The following LRRC14 variants were observed in gnomAD, a reference collection of about 807,000 sequenced individuals.
LRRC14 encodes leucine-rich repeat-containing protein 14.
Under a neutral mutation model 25.3 loss-of-function variants are expected in LRRC14, and 16 were observed. That is an observed-to-expected ratio of 0.63 (90% confidence interval 0.43 to 0.96). The LOEUF is 0.96. Among genes scored for constraint, LRRC14 ranks in the 40% least tolerant of loss-of-function variants. The probability of loss-of-function intolerance (pLI) is 0.00; values close to 1 mark genes in which losing one functional copy is unlikely to be tolerated. For synonymous variants in LRRC14, 359 were observed against 295.1 expected (o/e 1.22, Z -2.22); for missense variants, 594 against 660.5 (o/e 0.90, Z 1.10).
Position 144,524,925 on chromosome 8 carries a change from G to GGCAGTAGTA in LRRC14, c.*3452_*3460dup. 6.6e-7 allele frequency: 1 copy of GGCAGTAGTA among 1,513,118 alleles called. No individual in the cohort carries two copies. Among genetic ancestry groups the GGCAGTAGTA allele is most frequent in the Non-Finnish European group, 8.8e-7 (1 of 1,132,044 alleles). The allele number at this position is 1,513,118 out of a possible 1,614,324, so 93.7% of individuals were successfully genotyped here. On this transcript the variant is annotated 3_prime_UTR_variant, in exon 4 of 4. Coordinates refer to ENST00000292524, the MANE Select transcript of LRRC14 (RefSeq NM_014665.4). ...TGCTGGGCAGCCGGCGGCGCGGAGC[G>GGCAGTAGTA]GCAGTAGTAGCAGCAGCAGCGGCAG... is the stretch of plus-strand genomic sequence containing the variant.
At position 144,523,079 on chromosome 8, in the gene LRRC14, C is replaced by G; in HGVS notation, c.*1601C>G. ...CGAGTGTCCGCCCAGGCCCAGCAAC[C>G]CGCCTTCTAGCTGGGCCTGGGCTCG... On this transcript the variant is annotated 3_prime_UTR_variant, in exon 4 of 4. Transcript: ENST00000292524. 1.9e-6 allele frequency: 3 copies of G among 1,608,046 alleles called. No homozygotes were observed. The highest frequency in any genetic ancestry group is 2.5e-6 in the Non-Finnish European group (3 of 1,179,018).
Position 144,522,236 on chromosome 8 carries a change from C to A in LRRC14, c.*758C>A, listed in dbSNP as rs1384565848. On this transcript the variant is annotated 3_prime_UTR_variant, in exon 4 of 4. Transcript: ENST00000292524. ...TGGCCGGCCAGGGCCAGCGAGGGAC[C>A]CCCCCCATGCAGAGCTGGAGGTTGG... 7.2e-5 allele frequency: 36 copies of A among 501,916 alleles called. 1 individual carries two copies. The South Asian group carries it at 8.7e-4, about 12-fold the overall frequency. 31.1% of individuals were successfully genotyped at this position (501,916 alleles called of 1,614,324 possible).
In LRRC14 at chr8:144,522,575, G is replaced by A. The variant is rs758121489; in HGVS notation, c.*1097G>A. On this transcript the variant is annotated 3_prime_UTR_variant, in exon 4 of 4. Transcript: ENST00000292524. ...AGCGGGCGCCTCCGCCGGACCCTCG[G>A]CGAAGAGCGGCTTGGAGCGGTTGAT... The A allele has an allele frequency of 1.9e-5, 30 of 1,556,038 alleles. No homozygotes were observed. The Admixed American group carries it at 5.5e-4, about 28-fold the overall frequency.
rs760869872 is a variant in LRRC14 at position 144,521,421 on chromosome 8, T to A, written c.1425T>A (p.His475Gln). 9 of 1,610,230 alleles carry A rather than the reference T, an allele frequency of 5.6e-6. No homozygotes were observed. The highest frequency in any genetic ancestry group is 7.6e-6 in the Non-Finnish European group (9 of 1,179,990). ...HQLLLASGRA[H>Q]VLWTTDIYGR... ...TGCTTCTAGCCTCAGGCCGTGCCCATGTGCTCTGGACCACGGACATCTACG... is the reference window on the plus strand; with the variant it reads ...TGCTTCTAGCCTCAGGCCGTGCCCAAGTGCTCTGGACCACGGACATCTACG... The change falls in exon 4 of 4, where the codon CAT (histidine) becomes CAA (glutamine). Residue 475 changes from histidine (H) to glutamine (Q), a missense_variant. Coordinates refer to ENST00000292524, the MANE Select transcript of LRRC14 (RefSeq NM_014665.4).
At chr8:144,519,435 G>A (rs958659108) in intron 1 of LRRC14, 180 bp from the exon 2 acceptor site, 2 of 521,274 alleles carry the variant, frequency 3.8e-6, no homozygotes, top group Non-Finnish European at 3.5e-6. Flanking sequence ...CCAAGCAAGC[G>A]AGTTGTTGAC....
At position 144,517,993 on chromosome 8, in the gene LRRC14, G is replaced by C. The variant is rs1815513371; in HGVS notation, c.-160G>C. ...GCGCCGCGGCGCCGGGCGGGGAGCG[G>C]CGGACGGTCTAGGCGGGGCTGGAGG... is the stretch of plus-strand genomic sequence containing the variant. On this transcript the variant is annotated 5_prime_UTR_variant, in exon 1 of 4. Coordinates refer to ENST00000292524, the MANE Select transcript of LRRC14 (RefSeq NM_014665.4). 1 of 305,740 alleles carries C rather than the reference G, an allele frequency of 3.3e-6. No homozygotes were observed. Among genetic ancestry groups the C allele is most frequent in the Admixed American group, 5.5e-5 (1 of 18,148 alleles). 18.9% of individuals were successfully genotyped at this position (305,740 alleles called of 1,614,324 possible).
rs770884720 is a variant in LRRC14 at position 144,522,582 on chromosome 8, G to C, written c.*1104G>C. On this transcript the variant is annotated 3_prime_UTR_variant, in exon 4 of 4. Transcript: ENST00000292524. ...GCCTCCGCCGGACCCTCGGCGAAGA[G>C]CGGCTTGGAGCGGTTGATGACGAAC... is the stretch of plus-strand genomic sequence containing the variant. 1.2e-5 allele frequency: 18 copies of C among 1,553,568 alleles called. No homozygotes were observed. The Admixed American group carries it at 3.4e-4, about 30-fold the overall frequency.
chr8:144,520,097 G>T, intron 2 of LRRC14, 43 bp downstream of exon 2: 1 of 1,582,696 alleles, frequency 6.3e-7, no homozygotes, highest in South Asian at 1.1e-5. Context: ...GGGTGTGTAA[G>T]TGGGTCCCCT....
In LRRC14 at chr8:144,523,032, T is replaced by A. The variant is rs1270615265; in HGVS notation, c.*1554T>A. 2.5e-6 allele frequency: 4 copies of A among 1,600,968 alleles called. No individual in the cohort carries two copies. The highest frequency in any genetic ancestry group is 3.4e-6 in the Non-Finnish European group (4 of 1,175,820). On this transcript the variant is annotated 3_prime_UTR_variant, in exon 4 of 4. Transcript: ENST00000292524. ...AGCGTGATGTTGCTGAGGAAGAGCATGCCGCTGCCCGTGTCGGATGCCGAG... is the reference window on the plus strand; with the variant it reads ...AGCGTGATGTTGCTGAGGAAGAGCAAGCCGCTGCCCGTGTCGGATGCCGAG...
rs1292091347 is a variant in LRRC14, at chr8:144,520,401, G to A, written c.493G>A (p.Val165Met). Residue 165 changes from valine (V) to methionine (M), a missense_variant, in exon 3 of 4, where the codon GTG becomes ATG. Val to Met is a conservative substitution (Grantham distance 21). Coordinates refer to ENST00000292524, the MANE Select transcript of LRRC14 (RefSeq NM_014665.4). ...AGAGCCTGGGCCAGCCCCCATCCCC[G>A]TGGAGGTGCGCGTGGACCTGCGGGT... ...AAEPGPAPIP[V>M]EVRVDLRVNR... The A allele has an allele frequency of 6.2e-7, 1 of 1,606,594 alleles. No individual in the cohort carries two copies. The highest frequency in any genetic ancestry group is 8.5e-7 in the Non-Finnish European group (1 of 1,177,622).
At chr8:144,518,373 T>C (rs974408776) in intron 1 of LRRC14, 1 of 152,198 alleles carries the variant, frequency 6.6e-6, no homozygotes, top group Non-Finnish European at 1.5e-5. Flanking sequence ...GGGGGCGTCT[T>C]CGCGAAACGC....
Position 144,522,565 on chromosome 8 carries a change from C to T in LRRC14, c.*1087C>T. ...GGCCGCAGTCAGCGGGCGCCTCCGCCGGACCCTCGGCGAAGAGCGGCTTGG... is the reference window on the plus strand; with the variant it reads ...GGCCGCAGTCAGCGGGCGCCTCCGCTGGACCCTCGGCGAAGAGCGGCTTGG... On this transcript the variant is annotated 3_prime_UTR_variant, in exon 4 of 4. Transcript: ENST00000292524. 1.9e-6 allele frequency: 3 copies of T among 1,549,354 alleles called. No individual in the cohort carries two copies. Among genetic ancestry groups the T allele is most frequent in the Admixed American group, 3.9e-5 (2 of 51,710 alleles).
Position 144,524,986 on chromosome 8 carries a change from C to T in LRRC14, c.*3508C>T. On this transcript the variant is annotated 3_prime_UTR_variant, in exon 4 of 4. Coordinates refer to ENST00000292524, the MANE Select transcript of LRRC14 (RefSeq NM_014665.4). The stretch of plus-strand genomic sequence containing the variant: ...GCCCTCAGGGCCATCTCCCGAGGCC[C>T]GGTTCCTCACCGGCCCTTCCGCGGT... 1 of 1,440,612 alleles carries T rather than the reference C, an allele frequency of 6.9e-7. No homozygotes were observed. The highest frequency in any genetic ancestry group is 9.1e-7 in the Non-Finnish European group (1 of 1,098,666). 89.2% of individuals were successfully genotyped at this position (1,440,612 alleles called of 1,614,324 possible). A position where few individuals can be genotyped will look rare whatever the true frequency, so the allele number is the denominator to read the frequency against.
In LRRC14 at chr8:144,520,057, A is replaced by G. The variant is rs1383334966; in HGVS notation, c.329+3A>G. On this transcript the variant is annotated splice_donor_region_variant and intron_variant, in intron 2 of 3. Coordinates refer to ENST00000292524, the MANE Select transcript of LRRC14 (RefSeq NM_014665.4). Reference sequence around the variant, plus strand: ...GCCAGCACACAGCCCCTCTGCAGGTATGGACTTATCTGGAGGGTCGTCAGG... The same window carrying G: ...GCCAGCACACAGCCCCTCTGCAGGTGTGGACTTATCTGGAGGGTCGTCAGG... 6.2e-7 allele frequency: 1 copy of G among 1,600,032 alleles called. No homozygotes were observed. Among genetic ancestry groups the G allele is most frequent in the African/African-American group, 1.3e-5 (1 of 74,778 alleles).
Position 144,520,593 on chromosome 8 carries a change from T to C in LRRC14, c.685T>C (p.Phe229Leu). 6.2e-7 allele frequency: 1 copy of C among 1,601,058 alleles called. No homozygotes were observed. The highest frequency in any genetic ancestry group is 8.5e-7 in the Non-Finnish European group (1 of 1,179,934). The change falls in exon 3 of 4, where the codon TTC (phenylalanine) becomes CTC (leucine). Residue 229 changes from phenylalanine to leucine, a missense_variant. Transcript: ENST00000292524. Reference protein sequence around the residue: ...AGCLRRVDLRFNNLGLRGLSV... With the variant: ...AGCLRRVDLRLNNLGLRGLSV... ...CTGCCTGCGCCGCGTGGACCTGCGCTTCAACAATCTGGGCCTGCGCGGCCT... is the reference window on the plus strand; with the variant it reads ...CTGCCTGCGCCGCGTGGACCTGCGCCTCAACAATCTGGGCCTGCGCGGCCT...
chr8:144,521,240 G>A lies in LRRC14; in HGVS notation c.1244G>A (p.Arg415Gln), dbSNP rs764811789. 3.7e-6 allele frequency: 6 copies of A among 1,613,130 alleles called. No individual in the cohort carries two copies. The highest frequency in any genetic ancestry group is 2.7e-5 in the African/African-American group (2 of 74,940). ...ATGGCGGGCCTCAAGGAGCTGCTGC[G>A]GGACTCAGTGGCACAGGCTGAGCTG... ...LSMAGLKELL[R>Q]DSVAQAELRT... Residue 415 changes from arginine to glutamine, a missense_variant, in exon 4 of 4, where the codon CGG becomes CAG. Arg to Gln is a conservative substitution (Grantham distance 43). Coordinates refer to ENST00000292524, the MANE Select transcript of LRRC14 (RefSeq NM_014665.4).
intron 3 of LRRC14, 28 bp from the exon 4 acceptor site, chr8:144,520,883 C>T (rs761170144): frequency 1.9e-6 from 3 of 1,598,200 alleles, no homozygotes; most frequent in African/African-American, 2.7e-5. Flanking sequence ...CTGGCTCTGC[C>T]TGTCTGTGAC....
chr8:144,522,662 C>T lies in LRRC14; in HGVS notation c.*1184C>T. The T allele has an allele frequency of 6.3e-7, 1 of 1,592,718 alleles. No individual in the cohort carries two copies. Among genetic ancestry groups the T allele is most frequent in the Non-Finnish European group, 8.5e-7 (1 of 1,171,082 alleles). Reference sequence around the variant, plus strand: ...CTCTAGCTGTGCGAACGTACAGGGGCCGTCCAAGTAGTCGTTGACGAACAG... The same window carrying T: ...CTCTAGCTGTGCGAACGTACAGGGGTCGTCCAAGTAGTCGTTGACGAACAG... On this transcript the variant is annotated 3_prime_UTR_variant, in exon 4 of 4. Transcript: ENST00000292524.
rs1273211257 is a variant in LRRC14, at chr8:144,524,108, A to T, written c.*2630A>T. 9 of 1,596,046 alleles carry T rather than the reference A, an allele frequency of 5.6e-6. No homozygotes were observed. Among genetic ancestry groups the T allele is most frequent in the Non-Finnish European group, 7.7e-6 (9 of 1,167,566 alleles). On this transcript the variant is annotated 3_prime_UTR_variant, in exon 4 of 4. Coordinates refer to ENST00000292524, the MANE Select transcript of LRRC14 (RefSeq NM_014665.4). ...CAGAGACGCTTTCCGAGGAAGAGGTACCTGTGAGGCGCAGGACTTGCAGAC... is the reference window on the plus strand; with the variant it reads ...CAGAGACGCTTTCCGAGGAAGAGGTTCCTGTGAGGCGCAGGACTTGCAGAC...
Sources: allele counts gnomAD v4.1 joint callset, GRCh38; gene constraint gnomAD v4.1.1; transcripts MANE v1.5; gene names NCBI Gene and HGNC (gene_info 2026-07-23, HGNC 2026-07-21).